USP13: variants seen among roughly 807,000 people sequenced by gnomAD.
USP13 encodes ubiquitin carboxyl-terminal hydrolase 13.
USP13 carries 68 observed loss-of-function variants against 107.8 expected under a neutral mutation model. The observed-to-expected ratio is 0.63, with a 90% CI of 0.52 to 0.77. USP13 has a LOEUF of 0.77. Ranked by LOEUF, USP13 falls within the 30% of genes least tolerant of loss-of-function variation. The pLI is 0.00. For missense variants in USP13, 945 were observed against 1,093.3 expected, an observed-to-expected ratio of 0.86 and a Z score of 1.91; for synonymous variants, 377 against 389.5, an observed-to-expected ratio of 0.97 and a Z score of 0.38.
chr3:179,743,070 T>C (rs2108514075), intron 12 of USP13, among the ~76,000 whole-genome samples: 1 of 152,332 alleles, frequency 6.6e-6, no homozygotes, highest in South Asian at 2.1e-4. Context: ...AATTCCACTA[T>C]GCAGCCATGA....
chr3:179,730,400 T>G, intron 9 of USP13, 140 bp downstream of exon 9: 1 of 1,013,056 alleles, frequency 9.9e-7, no homozygotes, highest in South Asian at 1.7e-5. Context: ...AATGTGTTAC[T>G]TTTATAAGAA....
At chr3:179,687,886 T>C (rs1176410911) in intron 2 of USP13, among the ~76,000 whole-genome samples, 1 of 152,032 alleles carries the variant, frequency 6.6e-6, no homozygotes, top group Non-Finnish European at 1.5e-5. Flanking sequence ...AAGGTGCTCA[T>C]GATCTGGAGC....
At chr3:179,670,477 T>C (rs1301963557) in intron 1 of USP13, among the ~76,000 whole-genome samples, 1 of 152,100 alleles carries the variant, frequency 6.6e-6, no homozygotes, top group Non-Finnish European at 1.5e-5. Flanking sequence ...TCCCCTTTTG[T>C]AAACATGAGT....
chr3:179,775,634 AG>A (rs2108550505), intron 19 of USP13, among the ~76,000 whole-genome samples: 1 of 152,290 alleles, frequency 6.6e-6, no homozygotes, highest in South Asian at 2.1e-4. Context: ...CAGGCATGGC[AG>A]GCTGCAGGTC....
chr3:179,756,425 CAAACAAACA>C (rs1714801007), intron 15 of USP13, among the ~76,000 whole-genome samples: 1 of 78,270 alleles, frequency 1.3e-5, no homozygotes, highest in Non-Finnish European at 2.9e-5. Context: ...AACAAACAAA[CAAACAAACA>C]AACAAACAAA....
At chr3:179,701,612 AC>A (rs1468703672) in intron 4 of USP13, among the ~76,000 whole-genome samples, 1 of 152,244 alleles carries the variant, frequency 6.6e-6, no homozygotes, top group Non-Finnish European at 1.5e-5. Context: ...CGACGCAGTT[AC>A]AAAAAGAACA....
In USP13 at chr3:179,761,645, G is replaced by A. The variant is rs537116326; in HGVS notation, c.2092+390G>A. The stretch of plus-strand genomic sequence containing the variant: ...GCTGAGGCAGGAGAATCGCTTGAAC[G>A]CAGGAGGCGGAGGCTGCAGTGAGCC... On this transcript the variant is annotated intron_variant, in intron 17 of 20. Transcript: ENST00000263966. Among the ~76,000 whole-genome samples the A allele has an allele frequency of 8.5e-5, 13 of 152,176 alleles. No homozygotes were observed. The South Asian group carries it at 2.1e-3, about 24-fold the overall frequency.
At chr3:179,740,735 GTC>G (rs1714162873) in intron 11 of USP13, among the ~76,000 whole-genome samples, 3 of 151,714 alleles carry the variant, frequency 2.0e-5, no homozygotes, top group South Asian at 4.2e-4. Context: ...AAGATGATGA[GTC>G]TGCTTACATC....
chr3:179,674,572 A>G (rs1424087405), intron 1 of USP13, among the ~76,000 whole-genome samples: 1 of 151,908 alleles, frequency 6.6e-6, no homozygotes, highest in Admixed American at 6.6e-5. Context: ...CCATTGCTAC[A>G]TTATTTTATT....
At chr3:179,699,051 T>A (rs1204043786) in intron 3 of USP13, among the ~76,000 whole-genome samples, 1 of 151,998 alleles carries the variant, frequency 6.6e-6, no homozygotes, top group Non-Finnish European at 1.5e-5. Flanking sequence ...GTATTTTGAG[T>A]AGAGACAGGG....
intron 8 of USP13, among the ~76,000 whole-genome samples, chr3:179,725,679 T>C (rs1185040180): frequency 1.3e-5 from 2 of 152,220 alleles, no homozygotes; most frequent in Non-Finnish European, 2.9e-5. Context: ...GTTATGGAAG[T>C]TAATCGTGTG....
intron 10 of USP13, among the ~76,000 whole-genome samples, chr3:179,738,444 T>G (rs1481674976): frequency 6.6e-6 from 1 of 152,208 alleles, no homozygotes; most frequent in Non-Finnish European, 1.5e-5. Context: ...TGCATGGCAG[T>G]TGGGTGTTAA....
intron 19 of USP13, 119 bp from the exon 20 acceptor site, chr3:179,781,620 C>A: frequency 1.3e-6 from 1 of 798,674 alleles, no homozygotes; most frequent in Non-Finnish European, 2.0e-6. Context: ...GTAAATAGAC[C>A]TTGTCTTTCA....
chr3:179,772,814 T>C (rs1715382032), intron 19 of USP13, among the ~76,000 whole-genome samples: 1 of 152,234 alleles, frequency 6.6e-6, no homozygotes. Flanking sequence ...AGACTGGTAA[T>C]TTGGAGCTGG....
At chr3:179,731,910 A>C (rs561088218) in intron 10 of USP13, among the ~76,000 whole-genome samples, 36 of 152,316 alleles carry the variant, frequency 2.4e-4, no homozygotes, top group African/African-American at 8.7e-4. Context: ...CAATACCTGT[A>C]GACTGAGAGC....
At chr3:179,730,838 G>A (rs933765177) in intron 10 of USP13, 129 bp downstream of exon 10, 3 of 770,644 alleles carry the variant, frequency 3.9e-6, no homozygotes, top group Non-Finnish European at 6.3e-6. Flanking sequence ...TCATTTCAGT[G>A]TCTAGGGTGC....
At chr3:179,666,267 G>C (rs1720584256) in intron 1 of USP13, among the ~76,000 whole-genome samples, 1 of 152,196 alleles carries the variant, frequency 6.6e-6, no homozygotes, top group Admixed American at 6.6e-5. Context: ...GTGGCTACAG[G>C]AAGCAGGGTT....
chr3:179,701,010 C>A lies in USP13; in HGVS notation c.358C>A (p.Leu120Ile). Residue 120 changes from leucine to isoleucine, a missense_variant and splice_region_variant, in exon 4 of 21, where the codon CTA (leucine) becomes ATA (isoleucine). By Grantham distance (5) the Leu-to-Ile change is conservative. Coordinates refer to ENST00000263966, the MANE Select transcript of USP13 (RefSeq NM_003940.3). ...CTTTGTTTTTGTTTTCTCCTCAGAT[C>A]TAGATACTGATGACGATTTAAATAG... ...KRRNSKIFLD[L>I]DTDDDLNSDD... 1 of 1,612,846 alleles carries A rather than the reference C, an allele frequency of 6.2e-7. No individual in the cohort carries two copies.
intron 15 of USP13, among the ~76,000 whole-genome samples, chr3:179,755,364 G>A (rs917450519): frequency 6.6e-6 from 1 of 151,690 alleles, no homozygotes; most frequent in South Asian, 2.1e-4. Flanking sequence ...GCACGATCTC[G>A]GCTCACTGCA....
Sources: gnomAD v4.1 joint callset for allele counts (sites outside exome capture counted in the v4.1 genomes callset) on GRCh38, gnomAD v4.1.1 for gene constraint, MANE v1.5 for transcripts, NCBI Gene and HGNC (gene_info 2026-07-23, HGNC 2026-07-21) for gene names.